Variants in POMGNT1 observed in about 807,000 individuals in gnomAD.
The protein encoded by POMGNT1 is protein O-linked mannose N-acetylglucosaminyltransferase 1 (beta 1,2-).
POMGNT1 carries 67 observed loss-of-function variants against 95.6 expected under a neutral mutation model. That is an observed-to-expected ratio of 0.70 (90% confidence interval 0.58 to 0.86). POMGNT1 has a LOEUF of 0.86. Ranked by LOEUF, POMGNT1 falls within the 40% of genes least tolerant of loss-of-function variation. The pLI, the probability that POMGNT1 is intolerant of heterozygous loss-of-function variation, is 0.00. For missense variants in POMGNT1, 719 were observed against 855.2 expected (o/e 0.84, Z 1.99); for synonymous variants, 298 against 317.9 (o/e 0.94, Z 0.66).
At position 46,197,810 on chromosome 1, in the gene POMGNT1, C is replaced by T; in HGVS notation, c.12G>A (p.Trp4Ter). 1.2e-6 allele frequency: 2 copies of T among 1,614,138 alleles called. No individual in the cohort carries two copies. Among genetic ancestry groups the T allele is most frequent in the Non-Finnish European group, 1.7e-6 (2 of 1,180,020 alleles). Residue 4 changes from tryptophan to a stop codon, truncating the protein, a stop_gained, in exon 2 of 22, where the codon TGG becomes TGA. Coordinates refer to ENST00000371984, the MANE Select transcript of POMGNT1 (RefSeq NM_017739.4). LOFTEE classifies it high-confidence loss of function. MDD[W>*]KPSPLIKPFG... is the part of the protein sequence containing the mutation. ...AGGGCTTGATGAGGGGGCTGGGCTT[C>T]CAGTCGTCCATACCGGATTGGCGGG... is the stretch of plus-strand genomic sequence containing the variant.
intron 6 of POMGNT1, 91 bp from the exon 7 acceptor site, chr1:46,195,052 T>A: frequency 1.8e-6 from 2 of 1,095,356 alleles, no homozygotes; most frequent in Non-Finnish European, 1.4e-6. Flanking sequence ...ACCTTTTACT[T>A]AAAATAGCTC....
intron 1 of POMGNT1, among the ~76,000 whole-genome samples, chr1:46,213,597 G>A (rs1184862391): frequency 6.6e-5 from 10 of 151,998 alleles, no homozygotes; most frequent in Non-Finnish European, 5.9e-5. Context: ...AATGGCTTAC[G>A]CCTGTAATCA....
In POMGNT1 at chr1:46,189,127, T is replaced by C; in HGVS notation, c.*143A>G. 5 of 1,491,220 alleles carry C rather than the reference T, an allele frequency of 3.4e-6. No individual in the cohort carries two copies. Among genetic ancestry groups the C allele is most frequent in the Non-Finnish European group, 4.5e-6 (5 of 1,122,032 alleles). 92.4% of individuals were successfully genotyped at this position (1,491,220 alleles called of 1,614,324 possible). A position where few individuals can be genotyped will look rare whatever the true frequency, so the allele number is the denominator to read the frequency against. ...GTGTTGGAGCAGGGGAACCCTCCCC[T>C]TGGAGTTAGTAATTAAGTCTCATGT... is the stretch of plus-strand genomic sequence containing the variant. On this transcript the variant is annotated 3_prime_UTR_variant, in exon 22 of 22. Coordinates refer to ENST00000371984, the MANE Select transcript of POMGNT1 (RefSeq NM_017739.4).
intron 17 of POMGNT1, 194 bp from the exon 18 acceptor site, chr1:46,190,978 C>G: frequency 3.3e-6 from 2 of 602,184 alleles, no homozygotes; most frequent in East Asian, 6.6e-5. Context: ...TTGGCCTCCA[C>G]CATTGCTGGA....
chr1:46,192,943 C>T lies in POMGNT1; in HGVS notation c.1168G>A (p.Val390Met), dbSNP rs779045970. 1 of 1,614,216 alleles carries T rather than the reference C, an allele frequency of 6.2e-7. No individual in the cohort carries two copies. The highest frequency in any genetic ancestry group is 8.5e-7 in the Non-Finnish European group (1 of 1,180,034). Residue 390 changes from valine to methionine, a missense_variant, in exon 14 of 22, where the codon GTG becomes ATG. This residue lies in a region of POMGNT1 where 466 missense variants were observed against 517.4 expected (regional missense o/e 0.90). Coordinates refer to ENST00000371984, the MANE Select transcript of POMGNT1 (RefSeq NM_017739.4). Reference sequence around the variant, plus strand: ...ATGTCCAGGTCCTCTTCCAGAACCACAGCAAACTTGGCCTCCTAGAAGGGG... The same window carrying T: ...ATGTCCAGGTCCTCTTCCAGAACCATAGCAAACTTGGCCTCCTAGAAGGGG... ...FNLFPEAKFAVVLEEDLDIAV... is the reference protein window; with the variant it reads ...FNLFPEAKFAMVLEEDLDIAV...
At chr1:46,203,314 C>A (rs1048471341), upstream of POMGNT1, 17 of 828,148 alleles carry the variant, frequency 2.1e-5, no homozygotes, top group Non-Finnish European at 2.8e-5. Flanking sequence ...GCCCCCGCGC[C>A]GCGCGGGCGG....
At position 46,196,784 on chromosome 1, in the gene POMGNT1, C is replaced by G; in HGVS notation, c.301G>C (p.Val101Leu). The G allele has an allele frequency of 6.2e-7, 1 of 1,614,190 alleles. No individual in the cohort carries two copies. Residue 101 changes from valine (V) to leucine (L), a missense_variant, in exon 4 of 22, where the codon GTA becomes CTA. Val to Leu is a conservative substitution (Grantham distance 32). Coordinates refer to ENST00000371984, the MANE Select transcript of POMGNT1 (RefSeq NM_017739.4). The surrounding 1 kb of genome is among the most constrained non-coding windows in gnomAD (Gnocchi z 4.4). ...RGSGPRRVLDVEVYSSRSKVY... is the reference protein window; with the variant it reads ...RGSGPRRVLDLEVYSSRSKVY... ...TTGCTGCGACTTGAATACACCTCTA[C>G]GTCCAGGACCCGCCGGGGACCACTG...
At chr1:46,212,349 C>G (rs1025554726) in intron 1 of POMGNT1, among the ~76,000 whole-genome samples, 7 of 151,074 alleles carry the variant, frequency 4.6e-5, no homozygotes, top group Non-Finnish European at 1.0e-4. Context: ...GGCGCGATCT[C>G]AGCTCACTGC....
chr1:46,210,467 C>G (rs933095449), intron 1 of POMGNT1, among the ~76,000 whole-genome samples: 3 of 152,176 alleles, frequency 2.0e-5, no homozygotes, highest in Non-Finnish European at 4.4e-5. Flanking sequence ...GTTGAGGGCT[C>G]AGTCCCCAAG....
chr1:46,200,960 G>A (rs763113217), upstream of POMGNT1, among the ~76,000 whole-genome samples: 18 of 152,200 alleles, frequency 1.2e-4, no homozygotes, highest in African/African-American at 2.6e-4. Context: ...GTGAAACCCC[G>A]TCTCTACTAA....
chr1:46,212,445 G>T (rs537968335), intron 1 of POMGNT1, among the ~76,000 whole-genome samples: 1 of 150,904 alleles, frequency 6.6e-6, no homozygotes, highest in South Asian at 2.1e-4. Context: ...CACGCCCAGC[G>T]AATTTTTTTG....
chr1:46,209,243 C>T (rs147801515), intron 1 of POMGNT1, among the ~76,000 whole-genome samples: 2 of 151,990 alleles, frequency 1.3e-5, no homozygotes, highest in Admixed American at 6.5e-5. Flanking sequence ...AGGCTGGTCT[C>T]GAACTCCCGA....
chr1:46,212,108 A>T (rs1266338736), intron 1 of POMGNT1, among the ~76,000 whole-genome samples: 1 of 152,148 alleles, frequency 6.6e-6, no homozygotes, highest in Non-Finnish European at 1.5e-5. Flanking sequence ...TTTATCATAG[A>T]TGTGAATAAA....
At chr1:46,213,151 A>G (rs1045230917) in intron 1 of POMGNT1, among the ~76,000 whole-genome samples, 1 of 151,972 alleles carries the variant, frequency 6.6e-6, no homozygotes, top group African/African-American at 2.4e-5. Flanking sequence ...GTGTGTACAC[A>G]TACACAAATA....
upstream of POMGNT1, chr1:46,198,529 G>T: frequency 6.8e-6 from 1 of 147,650 alleles, no homozygotes; most frequent in East Asian, 1.8e-4. Context: ...GGCGGCGGCG[G>T]CGGCGGCGGC....
intron 1 of POMGNT1, among the ~76,000 whole-genome samples, chr1:46,205,985 T>G (rs966724524): frequency 1.3e-5 from 2 of 152,236 alleles, no homozygotes; most frequent in Non-Finnish European, 2.9e-5. Flanking sequence ...CAGTCCTGCC[T>G]CTAGGCCTCG....
intron 1 of POMGNT1, among the ~76,000 whole-genome samples, chr1:46,208,442 A>G (rs1250128073): frequency 6.6e-6 from 1 of 152,150 alleles, no homozygotes; most frequent in East Asian, 1.9e-4. Context: ...CCATAACTGA[A>G]TGGATTAATT....
intron 1 of POMGNT1, among the ~76,000 whole-genome samples, chr1:46,213,894 T>G (rs557930381): frequency 6.6e-6 from 1 of 151,966 alleles, no homozygotes; most frequent in East Asian, 1.9e-4. Flanking sequence ...AGACCTCCAA[T>G]TAAACAGCCC....
rs1658358912 is a variant in POMGNT1, at chr1:46,197,737, GTTTA to G, written c.81_84del (p.Lys28Ter). On this transcript the variant is annotated frameshift_variant, in exon 2 of 22. Transcript: ENST00000371984. LOFTEE classifies it high-confidence loss of function. ...CTCCGCAGGGCCCGCTGGTTTGTCA[GTTTA>G]TACTTCCAGGTAAGGTACCAGCTCC... The G allele has an allele frequency of 6.2e-7, 1 of 1,614,042 alleles. No homozygotes were observed. The highest frequency in any genetic ancestry group is 1.3e-5 in the African/African-American group (1 of 74,930).
Sources: gnomAD v4.1 joint callset for allele counts (sites outside exome capture counted in the v4.1 genomes callset) on GRCh38, gnomAD v4.1.1 for gene constraint, gnomAD v4.1.1 regional missense constraint, Gnocchi (gnomAD v3.1) non-coding constraint, MANE v1.5 for transcripts, NCBI Gene and HGNC (gene_info 2026-07-23, HGNC 2026-07-21) for gene names.